The following PYGB variants were observed in gnomAD, a reference collection of about 807,000 sequenced individuals.
The protein encoded by PYGB is glycogen phosphorylase, brain form.
A neutral mutation model predicts 94.3 loss-of-function variants in PYGB; 82 were observed. The observed-to-expected ratio is 0.87, with a 90% CI of 0.73 to 1.04. The LOEUF (loss-of-function observed/expected upper bound fraction) is 1.04, where lower values mean the gene tolerates loss of function less well. PYGB is among the 50% of genes least tolerant of loss of function. PYGB has a pLI of 0.00. For synonymous variants in PYGB, 488 were observed against 479.1 expected (o/e 1.02, Z -0.24); for missense variants, 1,132 against 1,158.2 (o/e 0.98, Z 0.33).
At chr20:25,284,278 C>T (rs368905965) in intron 14 of PYGB, 27 bp downstream of exon 14, 27 of 1,601,964 alleles carry the variant, frequency 1.7e-5, no homozygotes, top group Middle Eastern at 1.8e-4. Flanking sequence ...CCTGCATGAC[C>T]GCGCTGTGGG....
At chr20:25,255,763 T>C (rs6115106) in intron 1 of PYGB, among the ~76,000 whole-genome samples, 103,064 of 150,714 alleles carry the variant, frequency 0.68, 36,705 homozygotes, top group East Asian at 0.99. Flanking sequence ...GGTGGAGTTT[T>C]GCTCTTGTTG....
At chr20:25,277,407 CA>C in intron 7 of PYGB, 81 bp downstream of exon 7, 3 of 1,364,064 alleles carry the variant, frequency 2.2e-6, no homozygotes, top group Non-Finnish European at 3.1e-6. Flanking sequence ...CCGGGCTCCC[CA>C]GTGGGGCCTG....
At chr20:25,259,044 G>T (rs1180997714) in intron 1 of PYGB, among the ~76,000 whole-genome samples, 193 bp from the exon 2 acceptor site, 1 of 152,216 alleles carries the variant, frequency 6.6e-6, no homozygotes, top group Non-Finnish European at 1.5e-5. Context: ...TTGAGGAGGG[G>T]TCTCCTGGGT....
chr20:25,248,121 G>C lies in PYGB; in HGVS notation c.-58G>C. On this transcript the variant is annotated 5_prime_UTR_variant, in exon 1 of 20. Coordinates refer to ENST00000216962, the MANE Select transcript of PYGB (RefSeq NM_002862.4). ...GCCAGAGCAGCTGCACCATCCCGGC[G>C]TTCGCGTGTGCCGCCGCTTTCCTCC... 6.6e-7 allele frequency: 1 copy of C among 1,514,430 alleles called. No homozygotes were observed. The highest frequency in any genetic ancestry group is 8.8e-7 in the Non-Finnish European group (1 of 1,134,662). 93.8% of individuals were successfully genotyped at this position (1,514,430 alleles called of 1,614,324 possible). A position where few individuals can be genotyped will look rare whatever the true frequency, so the allele number is the denominator to read the frequency against.
chr20:25,296,565 G>GCTGA lies in PYGB; in HGVS notation c.*46_*49dup, dbSNP rs1265580335. The GCTGA allele has an allele frequency of 1.9e-6, 3 of 1,578,238 alleles. No homozygotes were observed. In the Admixed American group the frequency reaches 5.2e-5, roughly 28 times the overall value. Reference sequence around the variant, plus strand: ...GGGACCAGCGGGCATTTGTTTTCTTGCTGACTTTGCACCTCCTTTTTTCCC... The same window carrying GCTGA: ...GGGACCAGCGGGCATTTGTTTTCTTGCTGACTGACTTTGCACCTCCTTTTTTCCC... On this transcript the variant is annotated 3_prime_UTR_variant, in exon 20 of 20. Coordinates refer to ENST00000216962, the MANE Select transcript of PYGB (RefSeq NM_002862.4).
At position 25,259,179 on chromosome 20, in the gene PYGB, A is replaced by G. The variant is rs1863606975; in HGVS notation, c.244-58A>G. The G allele has an allele frequency of 2.8e-6, 4 of 1,437,070 alleles. No individual in the cohort carries two copies. The Admixed American group carries it at 6.8e-5, about 25-fold the overall frequency. The allele number at this position is 1,437,070 out of a possible 1,614,324, so 89.0% of individuals were successfully genotyped here. On this transcript the variant is annotated intron_variant, in intron 1 of 19. Transcript: ENST00000216962. ...GCTTCATGGGTCGTGTCATCTCTGTAACCTTCCTAAAGTGTAGAATGGAAT... is the reference window on the plus strand; with the variant it reads ...GCTTCATGGGTCGTGTCATCTCTGTGACCTTCCTAAAGTGTAGAATGGAAT...
chr20:25,290,426 C>T, intron 15 of PYGB, 55 bp from the exon 16 acceptor site: 2 of 1,584,468 alleles, frequency 1.3e-6, no homozygotes, highest in Non-Finnish European at 1.7e-6. Flanking sequence ...AGGAGCGCCT[C>T]CAAGGGCCTG....
chr20:25,289,821 T>C (rs1456897642), intron 15 of PYGB: 1 of 533,288 alleles, frequency 1.9e-6, no homozygotes, highest in African/African-American at 1.9e-5. Context: ...AATGATGTTT[T>C]CCACCAGAAC....
chr20:25,271,545 A>G (rs1471682167), intron 4 of PYGB, 59 bp downstream of exon 4: 1 of 1,545,530 alleles, frequency 6.5e-7, no homozygotes, highest in African/African-American at 1.4e-5. Context: ...ATAAAATGGC[A>G]GCACTTGCAG....
At chr20:25,277,209 C>G (rs778492821) in intron 6 of PYGB, 35 bp from the exon 7 acceptor site, 1 of 1,494,398 alleles carries the variant, frequency 6.7e-7, no homozygotes, top group Non-Finnish European at 9.3e-7. Flanking sequence ...TGCCAGGAGG[C>G]ATGTGTGTGT....
At chr20:25,290,440 A>G (rs2088456048) in intron 15 of PYGB, 41 bp from the exon 16 acceptor site, 2 of 1,592,204 alleles carry the variant, frequency 1.3e-6, no homozygotes, top group African/African-American at 1.3e-5. Context: ...GGGCCTGAAC[A>G]AGGCATTTTT....
chr20:25,285,962 A>G (rs1203698418), intron 14 of PYGB, among the ~76,000 whole-genome samples: 2 of 152,148 alleles, frequency 1.3e-5, no homozygotes, highest in Non-Finnish European at 2.9e-5. Flanking sequence ...CTTCACCATG[A>G]AGGTCGGTTT....
intron 2 of PYGB, among the ~76,000 whole-genome samples, chr20:25,262,521 A>G (rs1220996741): frequency 6.6e-6 from 1 of 152,200 alleles, no homozygotes; most frequent in Non-Finnish European, 1.5e-5. Flanking sequence ...CACTGCAAAA[A>G]CATGCCAAAT....
intron 18 of PYGB, chr20:25,294,750 A>G: frequency 3.1e-6 from 2 of 643,674 alleles, no homozygotes; most frequent in Non-Finnish European, 5.6e-6. Flanking sequence ...ATGTGACATT[A>G]TAATGTAGTT....
chr20:25,295,750 C>A (rs2088532283), intron 19 of PYGB, 80 bp downstream of exon 19: 1 of 1,449,600 alleles, frequency 6.9e-7, no homozygotes, highest in Non-Finnish European at 9.7e-7. Flanking sequence ...GTTTATTTCC[C>A]AAGCTGAGTA....
At chr20:25,290,176 TCAGTCGG>T (rs1408097762) in intron 15 of PYGB, among the ~76,000 whole-genome samples, 2 of 152,230 alleles carry the variant, frequency 1.3e-5, no homozygotes, top group Non-Finnish European at 2.9e-5. Flanking sequence ...CTGTTTCCTG[TCAGTCGG>T]CAGCTCTAGA....
At chr20:25,280,186 A>G in intron 9 of PYGB, 80 bp from the exon 10 acceptor site, 1 of 1,524,126 alleles carries the variant, frequency 6.6e-7, no homozygotes, top group Admixed American at 1.8e-5. Context: ...GGGATCCTGG[A>G]CGCTCACCCT....
chr20:25,271,263 T>C, intron 3 of PYGB, 120 bp from the exon 4 acceptor site: 3 of 885,738 alleles, frequency 3.4e-6, no homozygotes, highest in Non-Finnish European at 5.5e-6. Flanking sequence ...TTCCTCTCAG[T>C]GAAGCCTGAA....
chr20:25,296,639 T>C lies in PYGB; in HGVS notation c.*117T>C. ...GGTCCCTGCTTTTCTGAGTACCATG[T>C]TTCCAGGAGGGGCCATGGGGGTCAG... On this transcript the variant is annotated 3_prime_UTR_variant, in exon 20 of 20. Coordinates refer to ENST00000216962, the MANE Select transcript of PYGB (RefSeq NM_002862.4). 1 of 1,350,214 alleles carries C rather than the reference T, an allele frequency of 7.4e-7. No homozygotes were observed. Among genetic ancestry groups the C allele is most frequent in the Non-Finnish European group, 1.0e-6 (1 of 1,002,576 alleles). The allele number at this position is 1,350,214 out of a possible 1,614,324, so 83.6% of individuals were successfully genotyped here. A position where few individuals can be genotyped will look rare whatever the true frequency, so the allele number is the denominator to read the frequency against.
Sources: allele counts gnomAD v4.1 joint callset (sites outside exome capture counted in the v4.1 genomes callset), GRCh38; gene constraint gnomAD v4.1.1; transcripts MANE v1.5; gene names NCBI Gene and HGNC (gene_info 2026-07-23, HGNC 2026-07-21).